Variants in PLSCR2 observed in about 807,000 individuals in gnomAD.
PLSCR2 encodes PL scramblase 2.
In PLSCR2, 18 loss-of-function variants were observed where a neutral mutation model predicts 25.3. The observed-to-expected ratio is 0.71, with a 90% CI of 0.49 to 1.06. The LOEUF is 1.06. PLSCR2 is among the 50% of genes least tolerant of loss of function. The probability of loss-of-function intolerance (pLI) is 0.00; values close to 1 mark genes in which losing one functional copy is unlikely to be tolerated. For missense variants in PLSCR2, 243 were observed against 269.5 expected (o/e 0.90, Z 0.69); for synonymous variants, 88 against 87.3 (o/e 1.01, Z -0.04).
intron 2 of PLSCR2, among the ~76,000 whole-genome samples, chr3:146,424,217 T>C (rs1004798617): frequency 6.6e-6 from 1 of 152,040 alleles, no homozygotes; most frequent in Non-Finnish European, 1.5e-5. Flanking sequence ...ACCTTCTCAC[T>C]ATGTCCTCCC....
intron 1 of PLSCR2, among the ~76,000 whole-genome samples, chr3:146,492,279 A>C (rs1011832901): frequency 2.1e-4 from 32 of 152,188 alleles, no homozygotes; most frequent in African/African-American, 7.7e-4. Context: ...TTCAGGACTT[A>C]AACTCAACAC....
At chr3:146,446,974 G>T (rs1394839362) in intron 6 of PLSCR2, among the ~76,000 whole-genome samples, 1 of 152,136 alleles carries the variant, frequency 6.6e-6, no homozygotes, top group Non-Finnish European at 1.5e-5. Flanking sequence ...AGCTACCATT[G>T]ATGTTAAATA....
At chr3:146,490,730 T>C (rs2043519094) in intron 1 of PLSCR2, among the ~76,000 whole-genome samples, 2 of 152,088 alleles carry the variant, frequency 1.3e-5, no homozygotes, top group Admixed American at 6.6e-5. Flanking sequence ...TACCTTGCGC[T>C]TGTGGGTGTC....
chr3:146,394,612 C>G (rs987879332), intron 3 of PLSCR2, among the ~76,000 whole-genome samples: 1 of 152,154 alleles, frequency 6.6e-6, no homozygotes, highest in Non-Finnish European at 1.5e-5. Context: ...AGAAGGTTTA[C>G]AAATAATGTC....
chr3:146,443,580 G>C (rs1480439051), intron 6 of PLSCR2, among the ~76,000 whole-genome samples: 10 of 151,776 alleles, frequency 6.6e-5, no homozygotes, highest in Non-Finnish European at 1.5e-4. Flanking sequence ...ACGATCCTTT[G>C]AATTTCTGCA....
intron 1 of PLSCR2, among the ~76,000 whole-genome samples, chr3:146,493,220 A>G (rs1391294309): frequency 6.6e-6 from 1 of 152,160 alleles, no homozygotes; most frequent in Non-Finnish European, 1.5e-5. Context: ...AGATATACAA[A>G]TAATAGATGA....
At chr3:146,435,570 C>G (rs1317368505) in intron 8 of PLSCR2, among the ~76,000 whole-genome samples, 1 of 152,178 alleles carries the variant, frequency 6.6e-6, no homozygotes, top group East Asian at 1.9e-4. Context: ...TAAATGTCTT[C>G]TTTTGAGAAG....
intron 2 of PLSCR2, among the ~76,000 whole-genome samples, chr3:146,413,549 C>T (rs889382979): frequency 2.5e-4 from 38 of 152,202 alleles, no homozygotes; most frequent in African/African-American, 8.4e-4. Flanking sequence ...TTCTGCCTTC[C>T]CTAAAGCTCA....
intron 5 of PLSCR2, among the ~76,000 whole-genome samples, chr3:146,452,162 T>C (rs1007340667): frequency 1.3e-5 from 2 of 151,890 alleles, no homozygotes; most frequent in African/African-American, 4.8e-5. Flanking sequence ...TACAGGTGAG[T>C]GAGTGTCAGA....
intron 2 of PLSCR2, among the ~76,000 whole-genome samples, chr3:146,406,612 G>T (rs940958173): frequency 1.3e-5 from 2 of 152,156 alleles, no homozygotes; most frequent in African/African-American, 4.8e-5. Flanking sequence ...TAATCTAATG[G>T]CTTCACCTGA....
upstream of PLSCR2, among the ~76,000 whole-genome samples, chr3:146,463,319 G>A (rs912516035): frequency 1.3e-5 from 2 of 152,096 alleles, no homozygotes; most frequent in African/African-American, 4.8e-5. Flanking sequence ...TGGGACTACA[G>A]GCACCCGCCA....
At chr3:146,420,519 C>T (rs1380050663) in intron 2 of PLSCR2, among the ~76,000 whole-genome samples, 1 of 151,610 alleles carries the variant, frequency 6.6e-6, no homozygotes, top group Non-Finnish European at 1.5e-5. Flanking sequence ...CACTTGTAAC[C>T]AAGCAAAAAG....
At chr3:146,450,010 C>T (rs1435545233) in intron 5 of PLSCR2, among the ~76,000 whole-genome samples, 2 of 152,006 alleles carry the variant, frequency 1.3e-5, no homozygotes, top group Non-Finnish European at 2.9e-5. Flanking sequence ...ACAAGATCTC[C>T]AATGTAAAAC....
chr3:146,458,580 A>C (rs2041359578), intron 2 of PLSCR2, 127 bp from the exon 3 acceptor site: 1 of 603,520 alleles, frequency 1.7e-6, no homozygotes. Context: ...AATTTTAATA[A>C]GTTTGCTACC....
intron 3 of PLSCR2, among the ~76,000 whole-genome samples, chr3:146,457,021 C>T (rs1019354546): frequency 6.6e-6 from 1 of 151,870 alleles, no homozygotes; most frequent in African/African-American, 2.4e-5. Flanking sequence ...ATTCAGAATA[C>T]AAATTATTAC....
exon 2 of PLSCR2, chr3:146,460,022 G>T (rs749862029): frequency 6.2e-7 from 1 of 1,603,256 alleles, no homozygotes; most frequent in East Asian, 2.2e-5. Context: ...AGCCCAGGTG[G>T]TCAGCCTGTT....
At chr3:146,472,983 C>G (rs1329123238) in intron 1 of PLSCR2, among the ~76,000 whole-genome samples, 1 of 152,192 alleles carries the variant, frequency 6.6e-6, no homozygotes, top group African/African-American at 2.4e-5. Context: ...TCTTCCTCTC[C>G]TTATAAGGAC....
At chr3:146,443,748 TTTTA>T (rs1405572514) in intron 6 of PLSCR2, among the ~76,000 whole-genome samples, 4 of 152,006 alleles carry the variant, frequency 2.6e-5, no homozygotes, top group East Asian at 3.8e-4. Context: ...TTTATTTCAA[TTTTA>T]TTTATTTATT....
chr3:146,476,161 G>C (rs185427421), intron 1 of PLSCR2, among the ~76,000 whole-genome samples: 2 of 152,226 alleles, frequency 1.3e-5, no homozygotes, highest in East Asian at 1.9e-4. Flanking sequence ...GAAGAACGAA[G>C]ACAGTGTGTG....
Sources: allele counts gnomAD v4.1 joint callset (sites outside exome capture counted in the v4.1 genomes callset), GRCh38; gene constraint gnomAD v4.1.1; transcripts MANE v1.5; gene names NCBI Gene and HGNC (gene_info 2026-07-23, HGNC 2026-07-21).